TSHZ2: variants seen among roughly 807,000 people sequenced by gnomAD.
TSHZ2 encodes teashirt zinc finger homeobox 2, also known as teashirt homolog 2.
Under a neutral mutation model 74.4 loss-of-function variants are expected in TSHZ2, and 21 were observed. The observed-to-expected ratio is 0.28, with a 90% CI of 0.20 to 0.41. The LOEUF (loss-of-function observed/expected upper bound fraction) is 0.41. TSHZ2 is among the 10% of genes least tolerant of loss of function. The probability of loss-of-function intolerance (pLI) is 1.00; values close to 1 mark genes in which losing one functional copy is unlikely to be tolerated. For missense variants in TSHZ2, 1,244 were observed against 1,293.5 expected, an observed-to-expected ratio of 0.96 and a Z score of 0.59; for synonymous variants, 540 against 515.3, an observed-to-expected ratio of 1.05 and a Z score of -0.65.
At chr20:53,463,925 G>A (rs777459506) in intron 2 of TSHZ2, among the ~76,000 whole-genome samples, 2 of 152,192 alleles carry the variant, frequency 1.3e-5, no homozygotes, top group Non-Finnish European at 2.9e-5. Flanking sequence ...GCTCCCTATC[G>A]ACAATGGACC....
At chr20:53,004,399 C>T (rs1246111630) in intron 1 of TSHZ2, among the ~76,000 whole-genome samples, 2 of 152,130 alleles carry the variant, frequency 1.3e-5, no homozygotes, top group Admixed American at 1.3e-4. Flanking sequence ...ATGGCCAAGA[C>T]GTAAGATGAT....
intron 2 of TSHZ2, among the ~76,000 whole-genome samples, chr20:53,311,739 TGAG>T (rs1477781993): frequency 2.0e-5 from 3 of 152,190 alleles, no homozygotes; most frequent in Non-Finnish European, 4.4e-5. Context: ...CCCATCTTCA[TGAG>T]GAGAAGATTC....
chr20:53,190,863 C>G (rs1568803885), intron 1 of TSHZ2, among the ~76,000 whole-genome samples: 1 of 152,172 alleles, frequency 6.6e-6, no homozygotes, highest in African/African-American at 2.4e-5. Flanking sequence ...TTCTACTGAG[C>G]CTCCAAGGAC....
intron 2 of TSHZ2, among the ~76,000 whole-genome samples, chr20:53,375,341 A>G (rs1981622779): frequency 6.6e-6 from 1 of 152,238 alleles, no homozygotes; most frequent in Admixed American, 6.5e-5. Context: ...AAATCCTTCT[A>G]ATACACAGTC....
chr20:53,193,670 G>A (rs571547077), intron 1 of TSHZ2, among the ~76,000 whole-genome samples: 7 of 152,270 alleles, frequency 4.6e-5, no homozygotes, highest in African/African-American at 7.2e-5. Context: ...TTCAGTGCTC[G>A]TACCACAGGA....
intron 2 of TSHZ2, among the ~76,000 whole-genome samples, chr20:53,354,415 G>T (rs895817981): frequency 4.6e-5 from 7 of 152,302 alleles, no homozygotes; most frequent in African/African-American, 1.7e-4. Context: ...TTGCTATTTG[G>T]CTTGTATAGT....
At chr20:53,230,215 A>G (rs544380032) in intron 1 of TSHZ2, among the ~76,000 whole-genome samples, 12 of 152,360 alleles carry the variant, frequency 7.9e-5, no homozygotes, top group African/African-American at 2.6e-4. Context: ...CTAAAAGTAG[A>G]CACAGGCAAA....
chr20:53,026,759 G>C (rs1983460349), intron 1 of TSHZ2, among the ~76,000 whole-genome samples: 1 of 152,080 alleles, frequency 6.6e-6, no homozygotes, highest in South Asian at 2.1e-4. Flanking sequence ...GTACTATTTT[G>C]TAATATCCTT....
chr20:53,247,026 G>C (rs1990223782), intron 1 of TSHZ2, among the ~76,000 whole-genome samples: 1 of 152,138 alleles, frequency 6.6e-6, no homozygotes, highest in African/African-American at 2.4e-5. Flanking sequence ...AGTACTCATG[G>C]GCTCAGGATG....
intron 1 of TSHZ2, among the ~76,000 whole-genome samples, chr20:53,142,944 A>T (rs1421424092): frequency 6.6e-6 from 1 of 152,272 alleles, no homozygotes; most frequent in East Asian, 1.9e-4. Context: ...GTCCTGTCAC[A>T]TTGCATTGCT....
chr20:53,004,942 G>A (rs1046858539), intron 1 of TSHZ2, among the ~76,000 whole-genome samples: 6 of 152,120 alleles, frequency 3.9e-5, no homozygotes. Context: ...AGACCAAACA[G>A]CCAGTAAGTG....
intron 2 of TSHZ2, among the ~76,000 whole-genome samples, chr20:53,396,714 G>T (rs888398193): frequency 2.0e-5 from 3 of 152,028 alleles, no homozygotes; most frequent in African/African-American, 7.2e-5. Flanking sequence ...AGGTATAGTG[G>T]CTCATGCCTG....
At chr20:53,047,094 C>A (rs933606397) in intron 1 of TSHZ2, among the ~76,000 whole-genome samples, 13 of 152,174 alleles carry the variant, frequency 8.5e-5, no homozygotes, top group Admixed American at 7.9e-4. Context: ...GCAGCTGCTT[C>A]TGATTTTTCA....
chr20:52,984,258 G>A (rs1981670442), intron 1 of TSHZ2, among the ~76,000 whole-genome samples: 1 of 152,176 alleles, frequency 6.6e-6, no homozygotes, highest in Non-Finnish European at 1.5e-5. Context: ...CAAAGTGCCT[G>A]CCTTCCCGGA....
At chr20:53,240,268 T>C (rs1244378602) in intron 1 of TSHZ2, among the ~76,000 whole-genome samples, 1 of 152,178 alleles carries the variant, frequency 6.6e-6, no homozygotes, top group Non-Finnish European at 1.5e-5. Context: ...CTAAATAGGA[T>C]GCTACGGCAA....
chr20:53,288,353 G>A (rs6097337), intron 2 of TSHZ2, among the ~76,000 whole-genome samples: 7,551 of 148,598 alleles, frequency 0.051, 289 homozygotes, highest in East Asian at 0.24. Flanking sequence ...GCAGTGAGCC[G>A]AGATCACACC....
At chr20:53,453,807 C>T (rs1984923129) in intron 2 of TSHZ2, among the ~76,000 whole-genome samples, 2 of 152,118 alleles carry the variant, frequency 1.3e-5, no homozygotes, top group Middle Eastern at 6.8e-3. Flanking sequence ...AGAGGGATGC[C>T]CAGAGAAATG....
intron 1 of TSHZ2, among the ~76,000 whole-genome samples, chr20:52,978,372 T>A (rs1981426731): frequency 6.6e-6 from 1 of 152,212 alleles, no homozygotes; most frequent in Non-Finnish European, 1.5e-5. Flanking sequence ...TGTAATTAGC[T>A]GACACGAGGT....
chr20:52,978,134 G>A (rs1981415342), intron 1 of TSHZ2, among the ~76,000 whole-genome samples: 2 of 152,126 alleles, frequency 1.3e-5, no homozygotes, highest in South Asian at 2.1e-4. Context: ...TCATTCATTT[G>A]ACGGAATTTC....
Sources: gnomAD v4.1 joint callset for allele counts (sites outside exome capture counted in the v4.1 genomes callset) on GRCh38, gnomAD v4.1.1 for gene constraint, MANE v1.5 for transcripts, NCBI Gene and HGNC (gene_info 2026-07-23, HGNC 2026-07-21) for gene names.